Variants in PDE8A observed in about 807,000 individuals in gnomAD.
PDE8A encodes high affinity cAMP-specific and IBMX-insensitive 3',5'-cyclic phosphodiesterase 8A.
Under a neutral mutation model 105.0 loss-of-function variants are expected in PDE8A, and 59 were observed. That is an observed-to-expected ratio of 0.56 (90% CI 0.46 to 0.70). The LOEUF (loss-of-function observed/expected upper bound fraction) is 0.70. Among genes scored for constraint, PDE8A ranks in the 30% least tolerant of loss-of-function variants. The probability of loss-of-function intolerance (pLI) is 0.00; values close to 1 mark genes in which losing one functional copy is unlikely to be tolerated. For missense variants in PDE8A, 1,014 were observed against 1,045.9 expected, an observed-to-expected ratio of 0.97 and a Z score of 0.42; for synonymous variants, 355 against 371.9, an observed-to-expected ratio of 0.95 and a Z score of 0.52.
At chr15:85,101,357 G>A (rs868553265) in intron 11 of PDE8A, among the ~76,000 whole-genome samples, 16 of 152,336 alleles carry the variant, frequency 1.1e-4, no homozygotes, top group African/African-American at 2.9e-4. Context: ...TAGACAGGGA[G>A]AGGTGGATTT....
intron 17 of PDE8A, 79 bp downstream of exon 17, chr15:85,117,918 C>T: frequency 1.8e-6 from 2 of 1,115,024 alleles, no homozygotes; most frequent in Middle Eastern, 2.0e-4. Flanking sequence ...CACTAAGATA[C>T]ATAGCATGAC....
intron 1 of PDE8A, among the ~76,000 whole-genome samples, chr15:85,062,238 A>G (rs1427762492): frequency 6.6e-6 from 1 of 151,360 alleles, no homozygotes; most frequent in East Asian, 1.9e-4. Flanking sequence ...CGTCTTCCCC[A>G]GGATTTGCTG....
chr15:85,032,233 C>T (rs1291209780), intron 1 of PDE8A, among the ~76,000 whole-genome samples: 4 of 152,158 alleles, frequency 2.6e-5, no homozygotes, highest in Admixed American at 6.5e-5. Context: ...TGTTTGACAC[C>T]ATAGTAGAAG....
chr15:85,052,147 T>A (rs1326337129), intron 1 of PDE8A, among the ~76,000 whole-genome samples: 1 of 152,228 alleles, frequency 6.6e-6, no homozygotes, highest in Non-Finnish European at 1.5e-5. Context: ...ACAAAGGACA[T>A]GAACTCATCC....
chr15:85,065,081 CA>C (rs1223229927), intron 2 of PDE8A, among the ~76,000 whole-genome samples: 1 of 151,940 alleles, frequency 6.6e-6, no homozygotes, highest in Non-Finnish European at 1.5e-5. Context: ...GCAAAGGTGG[CA>C]AAATGTTAAT....
chr15:84,982,263 C>T lies in PDE8A; in HGVS notation c.101C>T (p.Pro34Leu). The T allele has an allele frequency of 2.1e-6, 3 of 1,452,542 alleles. No individual in the cohort carries two copies. The highest frequency in any genetic ancestry group is 1.8e-6 in the Non-Finnish European group (2 of 1,110,702). 90.0% of individuals were successfully genotyped at this position (1,452,542 alleles called of 1,614,324 possible). The change falls in exon 1 of 22, where the codon CCG (proline) becomes CTG (leucine). Residue 34 changes from proline to leucine, a missense_variant. Transcript: ENST00000394553. ...CTGTCGTCCGGCGGGCCGCGCCTCCCGCAGGGCCAGAAGACGGCCGCCTTG... is the reference window on the plus strand; with the variant it reads ...CTGTCGTCCGGCGGGCCGCGCCTCCTGCAGGGCCAGAAGACGGCCGCCTTG... ...PPLSSGGPRL[P>L]QGQKTAALPR...
chr15:85,046,201 A>T (rs1418619482), intron 1 of PDE8A, among the ~76,000 whole-genome samples: 1 of 150,638 alleles, frequency 6.6e-6, no homozygotes, highest in Non-Finnish European at 1.5e-5. Context: ...ACAGGCACCC[A>T]CCACACCTGG....
At chr15:85,070,470 G>A (rs16974775) in intron 3 of PDE8A, among the ~76,000 whole-genome samples, 13,456 of 152,184 alleles carry the variant, frequency 0.088, 1,656 homozygotes, top group African/African-American at 0.28. Flanking sequence ...GTAAGTGCCC[G>A]CAGAAGAGGT....
intron 19 of PDE8A, among the ~76,000 whole-genome samples, chr15:85,124,502 G>A (rs192468238): frequency 1.3e-5 from 2 of 152,040 alleles, no homozygotes; most frequent in Admixed American, 6.5e-5. Flanking sequence ...ACTTATCCTC[G>A]CAGGCTAGGA....
At chr15:85,047,552 A>G (rs912467460) in intron 1 of PDE8A, among the ~76,000 whole-genome samples, 1 of 152,108 alleles carries the variant, frequency 6.6e-6, no homozygotes, top group Non-Finnish European at 1.5e-5. Context: ...GAATTGCTGA[A>G]ACATGAATGT....
At chr15:85,069,801 A>C (rs911362553) in intron 3 of PDE8A, among the ~76,000 whole-genome samples, 1 of 152,122 alleles carries the variant, frequency 6.6e-6, no homozygotes, top group African/African-American at 2.4e-5. Context: ...CAAGAATCTC[A>C]AGTGTTTCTC....
At chr15:85,042,100 G>T (rs2080819168) in intron 1 of PDE8A, among the ~76,000 whole-genome samples, 1 of 151,516 alleles carries the variant, frequency 6.6e-6, no homozygotes, top group African/African-American at 2.4e-5. Flanking sequence ...ATAAAAAATA[G>T]TATAGGCCAG....
At chr15:85,040,746 A>G (rs910661859) in intron 1 of PDE8A, among the ~76,000 whole-genome samples, 1 of 151,890 alleles carries the variant, frequency 6.6e-6, no homozygotes, top group African/African-American at 2.4e-5. Flanking sequence ...TTTTTAGTAG[A>G]GACAGGGTTT....
intron 1 of PDE8A, among the ~76,000 whole-genome samples, chr15:85,032,249 C>G (rs574374350): frequency 7.4e-4 from 112 of 152,294 alleles, no homozygotes; most frequent in Non-Finnish European, 1.3e-3. Context: ...AGAAGCTCAC[C>G]TCTAGATGTA....
At chr15:85,100,406 C>T (rs753112171) in intron 11 of PDE8A, 5 of 586,122 alleles carry the variant, frequency 8.5e-6, no homozygotes, top group East Asian at 2.8e-5. Context: ...TGCCCTGGGG[C>T]GGGTCTCTGA....
chr15:85,091,017 T>C (rs1014141362), intron 7 of PDE8A, 27 bp from the exon 8 acceptor site: 3 of 1,588,902 alleles, frequency 1.9e-6, no homozygotes, highest in East Asian at 2.2e-5. Context: ...TAATTCACTT[T>C]ATGTTTTTTC....
intron 1 of PDE8A, among the ~76,000 whole-genome samples, chr15:85,054,047 A>G (rs1182192717): frequency 2.6e-5 from 4 of 152,206 alleles, no homozygotes; most frequent in Non-Finnish European, 4.4e-5. Context: ...AATTTTGTCA[A>G]AGGCCTTTTC....
At chr15:85,094,002 C>T (rs2081696714) in intron 8 of PDE8A, among the ~76,000 whole-genome samples, 1 of 151,960 alleles carries the variant, frequency 6.6e-6, no homozygotes, top group African/African-American at 2.4e-5. Flanking sequence ...TGGGACCACA[C>T]GTGTCTACCA....
chr15:85,022,540 A>AT (rs56869355), intron 1 of PDE8A, among the ~76,000 whole-genome samples: 11,713 of 142,904 alleles, frequency 0.082, 1,333 homozygotes, highest in African/African-American at 0.26. Flanking sequence ...TATATGCAAA[A>AT]TTTTTTTTTT....
Sources: allele counts gnomAD v4.1 joint callset (sites outside exome capture counted in the v4.1 genomes callset), GRCh38; gene constraint gnomAD v4.1.1; transcripts MANE v1.5; gene names NCBI Gene and HGNC (gene_info 2026-07-23, HGNC 2026-07-21).